The following BCL11B variants were observed in gnomAD, a reference collection of about 807,000 sequenced individuals.
BCL11B encodes the protein BCL11 transcription factor B, also known as B-cell lymphoma/leukemia 11B.
Under a neutral mutation model 49.9 loss-of-function variants are expected in BCL11B, and 8 were observed. The ratio of observed to expected loss-of-function variants is 0.16; its 90% CI spans 0.09 to 0.29. The LOEUF is 0.29. Among genes scored for constraint, BCL11B ranks in the 10% least tolerant of loss-of-function variants. BCL11B has a pLI of 1.00. For missense variants in BCL11B, 1,006 were observed against 1,351.0 expected, an observed-to-expected ratio of 0.74 and a Z score of 4.00; for synonymous variants, 739 against 637.4, an observed-to-expected ratio of 1.16 and a Z score of -2.40.
chr14:99,240,438 A>G (rs1005609655), intron 2 of BCL11B, among the ~76,000 whole-genome samples: 1 of 152,196 alleles, frequency 6.6e-6, no homozygotes, highest in Non-Finnish European at 1.5e-5. Flanking sequence ...TTTGCATTAC[A>G]TAAGAACAAA....
At chr14:99,214,691 T>C (rs1043202880) in intron 3 of BCL11B, among the ~76,000 whole-genome samples, 1 of 151,726 alleles carries the variant, frequency 6.6e-6, no homozygotes, top group East Asian at 1.9e-4. Flanking sequence ...AATAAATAAA[T>C]AAACAGGATG....
At chr14:99,259,851 C>T (rs538567522) in intron 1 of BCL11B, among the ~76,000 whole-genome samples, 1 of 152,188 alleles carries the variant, frequency 6.6e-6, no homozygotes, top group Non-Finnish European at 1.5e-5. Flanking sequence ...AACCTTCCCA[C>T]CGAACAGAGG....
At chr14:99,183,997 T>C (rs1302932700) in intron 3 of BCL11B, among the ~76,000 whole-genome samples, 1 of 152,118 alleles carries the variant, frequency 6.6e-6, no homozygotes, top group Non-Finnish European at 1.5e-5. Flanking sequence ...CAAGACAGTA[T>C]GCCACCACCT....
At chr14:99,186,711 C>T (rs1476433007) in intron 3 of BCL11B, among the ~76,000 whole-genome samples, 1 of 152,158 alleles carries the variant, frequency 6.6e-6, no homozygotes, top group African/African-American at 2.4e-5. Flanking sequence ...CTGTAAATCC[C>T]ATCATAGTGA....
At chr14:99,218,232 A>ATTTTTTTTTTTTTTTTTT (rs34932370) in intron 3 of BCL11B, among the ~76,000 whole-genome samples, 2 of 112,884 alleles carry the variant, frequency 1.8e-5, no homozygotes, top group Non-Finnish European at 3.6e-5. Context: ...TGCCTGGCTA[A>ATTTTTTTTTTTTTTTTTT]TTTTTTTTTT....
chr14:99,260,923 A>C lies in BCL11B; in HGVS notation c.59-3084T>G, dbSNP rs563042111. ...CTGAGCTGGGATCTCCACGTCCCAG[A>C]CCAGAGATCCAACTCACTGCCTCTA... is the stretch of plus-strand genomic sequence containing the variant. On this transcript the variant is annotated intron_variant, in intron 1 of 3. Transcript: ENST00000357195. 4.2e-4 allele frequency among the ~76,000 whole-genome samples: 64 copies of C among 152,170 alleles called. 1 individual carries two copies. The highest frequency in any genetic ancestry group is 3.4e-3 in the Middle Eastern group (1 of 294).
rs990172488 is a variant in BCL11B at position 99,195,364 on chromosome 14, C to T, written c.641-19169G>A. 2.6e-5 allele frequency among the ~76,000 whole-genome samples: 4 copies of T among 152,058 alleles called. No individual in the cohort carries two copies. The highest frequency in any genetic ancestry group is 4.4e-5 in the Non-Finnish European group (3 of 68,020). ...TTCCCCACACCTCCTCTGTGGGGCT[C>T]CCCCAGCACCTCCATTTTGCAGATG... On this transcript the variant is annotated intron_variant, in intron 3 of 3. Coordinates refer to ENST00000357195, the MANE Select transcript of BCL11B (RefSeq NM_138576.4). This position sits in a 1 kb window ranked among gnomAD's most constrained non-coding sequence, Gnocchi z 4.7.
chr14:99,199,696 G>GCGCA lies in BCL11B; in HGVS notation c.641-23502_641-23501insTGCG, dbSNP rs1555378702. 9.2e-3 allele frequency among the ~76,000 whole-genome samples: 715 copies of GCGCA among 77,862 alleles called. 6 individuals are homozygous for GCGCA. Among genetic ancestry groups the GCGCA allele is most frequent in the Middle Eastern group, 0.029 (4 of 138 alleles). 51.1% of individuals were successfully genotyped at this position (77,862 alleles called of 152,430 possible). A position where few individuals can be genotyped will look rare whatever the true frequency, so the allele number is the denominator to read the frequency against. On this transcript the variant is annotated intron_variant, in intron 3 of 3. Transcript: ENST00000357195. The stretch of plus-strand genomic sequence containing the variant: ...TGTGTGTGTGTGTGCGCGCGCGCGC[G>GCGCA]CACGTGCACGTGTGTGCGTGTGTGC...
intron 2 of BCL11B, among the ~76,000 whole-genome samples, chr14:99,234,799 C>G (rs1179059696): frequency 1.4e-5 from 2 of 147,600 alleles, no homozygotes; most frequent in Non-Finnish European, 3.0e-5. Flanking sequence ...AGCAAAGCGC[C>G]CTGCAAAGAC....
At chr14:99,269,253 T>C (rs886274580) in intron 1 of BCL11B, among the ~76,000 whole-genome samples, 6 of 150,418 alleles carry the variant, frequency 4.0e-5, no homozygotes, top group Non-Finnish European at 7.4e-5. Flanking sequence ...TCTGCAAGTA[T>C]AGACGTTTTA....
At chr14:99,221,148 G>A (rs1210214494) in intron 3 of BCL11B, among the ~76,000 whole-genome samples, 4 of 152,128 alleles carry the variant, frequency 2.6e-5, no homozygotes, top group East Asian at 1.9e-4. Context: ...GAGCCACCGC[G>A]ACTGGCCTGA....
Position 99,199,681 on chromosome 14 carries a change from TGTGCGCGCGCGCGCGCAC to T in BCL11B, c.641-23504_641-23487del, listed in dbSNP as rs1407099223. On this transcript the variant is annotated intron_variant, in intron 3 of 3. Transcript: ENST00000357195. The stretch of plus-strand genomic sequence containing the variant: ...GTGTGTGTGTGTGTGTGTGTGTGTG[TGTGCGCGCGCGCGCGCAC>T]GTGCACGTGTGTGCGTGTGTGCATG... 4.8e-3 allele frequency among the ~76,000 whole-genome samples: 343 copies of T among 71,080 alleles called. 3 individuals are homozygous for T. The highest frequency in any genetic ancestry group is 0.011 in the African/African-American group (263 of 24,950). The allele number at this position is 71,080 out of a possible 152,430, so 46.6% of individuals were successfully genotyped here. A position where few individuals can be genotyped will look rare whatever the true frequency, so the allele number is the denominator to read the frequency against.
chr14:99,259,477 A>G (rs1373561500), intron 1 of BCL11B, among the ~76,000 whole-genome samples: 1 of 152,252 alleles, frequency 6.6e-6, no homozygotes, highest in Non-Finnish European at 1.5e-5. Flanking sequence ...CGTATGAACT[A>G]TGTGTGAATA....
rs1425946941 is a variant in BCL11B at position 99,231,059 on chromosome 14, G to C, written c.640+286C>G. 6.6e-6 allele frequency among the ~76,000 whole-genome samples: 1 copy of C among 152,216 alleles called. No homozygotes were observed. The highest frequency in any genetic ancestry group is 2.4e-5 in the African/African-American group (1 of 41,458). On this transcript the variant is annotated intron_variant, in intron 3 of 3. Transcript: ENST00000357195. This position sits in a 1 kb window ranked among gnomAD's most constrained non-coding sequence, Gnocchi z 8.1. ...CAGATGTTAAGTGTTATCCAATTAAGCTGTCGCTAAACAACCCAAAGAAGC... is the reference window on the plus strand; with the variant it reads ...CAGATGTTAAGTGTTATCCAATTAACCTGTCGCTAAACAACCCAAAGAAGC...
chr14:99,197,577 A>C (rs1887213608), intron 3 of BCL11B, among the ~76,000 whole-genome samples: 1 of 152,146 alleles, frequency 6.6e-6, no homozygotes, highest in African/African-American at 2.4e-5. Context: ...GGAGGAAATG[A>C]AGCCCTTGCT....
intron 2 of BCL11B, among the ~76,000 whole-genome samples, chr14:99,235,891 A>C (rs1057318793): frequency 1.5e-5 from 1 of 67,524 alleles, no homozygotes; most frequent in Admixed American, 1.3e-4. Flanking sequence ...AGAAGGGGGA[A>C]AAAATTAAAA....
At chr14:99,252,459 C>A (rs537056197) in intron 2 of BCL11B, among the ~76,000 whole-genome samples, 1 of 152,166 alleles carries the variant, frequency 6.6e-6, no homozygotes, top group East Asian at 1.9e-4. Context: ...CAAAGCAGCA[C>A]GTAAATCCCT....
intron 3 of BCL11B, among the ~76,000 whole-genome samples, chr14:99,225,037 T>TG (rs1888120311): frequency 6.6e-6 from 1 of 152,170 alleles, no homozygotes; most frequent in South Asian, 2.1e-4. Flanking sequence ...GCACCCAACG[T>TG]GGGGCTCCTC....
intron 3 of BCL11B, among the ~76,000 whole-genome samples, chr14:99,178,236 G>A (rs1380979978): frequency 2.0e-5 from 3 of 152,318 alleles, no homozygotes; most frequent in East Asian, 1.9e-4. Flanking sequence ...ATGAGAAGAC[G>A]GTGGTAGGGA....
Sources: gnomAD v4.1 joint callset for allele counts (sites outside exome capture counted in the v4.1 genomes callset) on GRCh38, gnomAD v4.1.1 for gene constraint, Gnocchi (gnomAD v3.1) non-coding constraint, MANE v1.5 for transcripts, NCBI Gene and HGNC (gene_info 2026-07-23, HGNC 2026-07-21) for gene names.